Variants in DIPK1C observed in about 807,000 individuals in gnomAD.
DIPK1C encodes divergent protein kinase domain 1C.
Under a neutral mutation model 28.0 loss-of-function variants are expected in DIPK1C, and 33 were observed. The observed-to-expected ratio is 1.18, with a 90% CI of 0.89 to 1.58. DIPK1C has a LOEUF of 1.58. DIPK1C is among the 40% of genes most tolerant of loss of function. The pLI is 0.00. For synonymous variants in DIPK1C, 255 were observed against 248.8 expected (o/e 1.02, Z -0.23); for missense variants, 569 against 568.5 (o/e 1.00, Z -0.01).
chr18:74,454,547 C>A (rs1295448650), intron 1 of DIPK1C, among the ~76,000 whole-genome samples: 1 of 152,254 alleles, frequency 6.6e-6, no homozygotes, highest in African/African-American at 2.4e-5. Flanking sequence ...AAAGTGGTTT[C>A]TTCTGTGCTC....
At chr18:74,463,514 G>C in the DIPK1C span, among the ~76,000 whole-genome samples, 1 of 152,066 alleles carries the variant, frequency 6.6e-6, no homozygotes, top group East Asian at 1.9e-4. Flanking sequence ...TGCTGGTTGA[G>C]ATTTCCCTCC....
At chr18:74,461,215 T>C (rs140632672), upstream of DIPK1C, among the ~76,000 whole-genome samples, 567 of 152,260 alleles carry the variant, frequency 3.7e-3, 5 homozygotes, top group African/African-American at 0.013. Flanking sequence ...CTCTCAACCA[T>C]CTGCCCAGGA....
upstream of DIPK1C, among the ~76,000 whole-genome samples, chr18:74,461,177 T>C (rs1334279360): frequency 2.0e-5 from 3 of 152,100 alleles, no homozygotes; most frequent in East Asian, 5.8e-4. Context: ...TGACTTTTCA[T>C]CTCCTCATCT....
intron 1 of DIPK1C, among the ~76,000 whole-genome samples, chr18:74,454,097 C>A (rs1037043419): frequency 6.6e-6 from 1 of 152,138 alleles, no homozygotes; most frequent in African/African-American, 2.4e-5. Context: ...ACTAGAAAAG[C>A]GGGCCTCCAG....
At chr18:74,438,653 C>T (rs1986051638) in intron 3 of DIPK1C, among the ~76,000 whole-genome samples, 1 of 152,140 alleles carries the variant, frequency 6.6e-6, no homozygotes, top group Admixed American at 6.5e-5. Flanking sequence ...ATATTTTTGG[C>T]CTTTGTTGTG....
chr18:74,438,495 T>C (rs193126462), intron 3 of DIPK1C, among the ~76,000 whole-genome samples: 2 of 152,316 alleles, frequency 1.3e-5, no homozygotes, highest in Non-Finnish European at 2.9e-5. Context: ...TCCCCGGCAA[T>C]GTATCCAAGA....
At chr18:74,442,284 T>G (rs1986146475) in intron 2 of DIPK1C, among the ~76,000 whole-genome samples, 168 bp from the exon 3 acceptor site, 1 of 151,964 alleles carries the variant, frequency 6.6e-6, no homozygotes, top group African/African-American at 2.4e-5. Context: ...CCCTGGGGAG[T>G]GGATTCATCC....
upstream of DIPK1C, among the ~76,000 whole-genome samples, chr18:74,459,159 T>C (rs1192120661): frequency 1.3e-5 from 2 of 152,218 alleles, no homozygotes; most frequent in African/African-American, 4.8e-5. Flanking sequence ...TTCCCAAGAA[T>C]TGTATTTGGT....
chr18:74,442,188 C>T, intron 2 of DIPK1C, 72 bp from the exon 3 acceptor site: 3 of 1,568,130 alleles, frequency 1.9e-6, no homozygotes, highest in South Asian at 1.1e-5. Context: ...CTGTTCACAA[C>T]TTCTGTTCAC....
At chr18:74,463,568 C>T in the DIPK1C span, among the ~76,000 whole-genome samples, 1 of 152,092 alleles carries the variant, frequency 6.6e-6, no homozygotes. Context: ...ATGCTTGATG[C>T]TACTCCTTCC....
chr18:74,446,500 T>G (rs1446986509), intron 2 of DIPK1C, 106 bp downstream of exon 2: 1 of 1,134,474 alleles, frequency 8.8e-7, no homozygotes, highest in Non-Finnish European at 1.2e-6. Context: ...GAAGCAACAG[T>G]AGTTTGCTAA....
chr18:74,446,626 CAA>C lies in DIPK1C; in HGVS notation c.854_855del (p.Phe285CysfsTer12), dbSNP rs1379342962. On this transcript the variant is annotated frameshift_variant, in exon 2 of 4. Transcript: ENST00000343998. LOFTEE classifies it high-confidence loss of function. ...LHLCDIKPEN[F>X]AIRSDFTVVA... ...CTTACTGTGAAGTCGCTCCGGATGG[CAA>C]AGTTTTCCGGCTTGATGTCGCAGAG... The C allele has an allele frequency of 2.1e-6, 3 of 1,463,374 alleles. No individual in the cohort carries two copies. The African/African-American group carries it at 4.3e-5, about 21-fold the overall frequency. The allele number at this position is 1,463,374 out of a possible 1,614,324, so 90.6% of individuals were successfully genotyped here.
chr18:74,438,955 G>A (rs1986058340), intron 3 of DIPK1C, among the ~76,000 whole-genome samples: 2 of 152,176 alleles, frequency 1.3e-5, no homozygotes, highest in South Asian at 4.1e-4. Flanking sequence ...CCAGTCCTGG[G>A]GAGAATGAGC....
chr18:74,453,551 G>A (rs1231551799), intron 1 of DIPK1C, among the ~76,000 whole-genome samples: 3 of 152,188 alleles, frequency 2.0e-5, no homozygotes, highest in Non-Finnish European at 2.9e-5. Context: ...TATTAAAACC[G>A]AATCTCTAAT....
chr18:74,457,261 G>A lies in DIPK1C; in HGVS notation c.-2C>T. ...CCGCGCGCCCGCCGCCCGCGCCATGGCCAGCCCTGCCCGCGCCCGGGCCCC... is the reference window on the plus strand; with the variant it reads ...CCGCGCGCCCGCCGCCCGCGCCATGACCAGCCCTGCCCGCGCCCGGGCCCC... On this transcript the variant is annotated 5_prime_UTR_variant, in exon 1 of 4. Coordinates refer to ENST00000343998, the MANE Select transcript of DIPK1C (RefSeq NM_001044369.3). 4 of 992,626 alleles carry A rather than the reference G, an allele frequency of 4.0e-6. No individual in the cohort carries two copies. Among genetic ancestry groups the A allele is most frequent in the Non-Finnish European group, 3.6e-6 (3 of 836,074 alleles). 61.5% of individuals were successfully genotyped at this position (992,626 alleles called of 1,614,324 possible). A position where few individuals can be genotyped will look rare whatever the true frequency, so the allele number is the denominator to read the frequency against.
At chr18:74,457,364 G>A (rs1986541874), upstream of DIPK1C, 1 of 851,472 alleles carries the variant, frequency 1.2e-6, no homozygotes, top group South Asian at 5.2e-5. Flanking sequence ...AGGGGGAACG[G>A]GGGAGGGGCC....
At chr18:74,440,003 GAT>G (rs1986083980) in intron 3 of DIPK1C, among the ~76,000 whole-genome samples, 6 of 147,402 alleles carry the variant, frequency 4.1e-5, no homozygotes, top group Non-Finnish European at 5.9e-5. Flanking sequence ...GGAGTGCAGT[GAT>G]GCAATCTCGG....
rs531094595 is a variant in DIPK1C at position 74,440,100 on chromosome 18, T to A, written c.1041+1852A>T. On this transcript the variant is annotated intron_variant, in intron 3 of 3. Transcript: ENST00000343998. The stretch of plus-strand genomic sequence containing the variant: ...GCTGGGACTGCAGGCGCCCGCCACC[T>A]CGCCCGGCTAATTTTTTGTATATTT... 1.2e-4 allele frequency among the ~76,000 whole-genome samples: 18 copies of A among 152,106 alleles called. 1 individual carries two copies. The South Asian group carries it at 3.1e-3, about 26-fold the overall frequency.
rs1383032805 is a variant in DIPK1C, at chr18:74,435,093, G to C, written c.*1408C>G. The C allele has an allele frequency of 6.6e-6, 1 of 152,214 alleles. No individual in the cohort carries two copies. The highest frequency in any genetic ancestry group is 1.5e-5 in the Non-Finnish European group (1 of 68,050). 9.4% of individuals were successfully genotyped at this position (152,214 alleles called of 1,614,324 possible). A position where few individuals can be genotyped will look rare whatever the true frequency, so the allele number is the denominator to read the frequency against. Reference sequence around the variant, plus strand: ...ATGTGACCCCAAAGTCTGGAAGAAGGCATTCCCGTTTCTCTGGTTTAGAAA... The same window carrying C: ...ATGTGACCCCAAAGTCTGGAAGAAGCCATTCCCGTTTCTCTGGTTTAGAAA... On this transcript the variant is annotated 3_prime_UTR_variant, in exon 4 of 4. Transcript: ENST00000343998.
Sources: gnomAD v4.1 joint callset for allele counts (sites outside exome capture counted in the v4.1 genomes callset) on GRCh38, gnomAD v4.1.1 for gene constraint, MANE v1.5 for transcripts, NCBI Gene and HGNC (gene_info 2026-07-23, HGNC 2026-07-21) for gene names.